Variants in FBXO11 observed in about 807,000 individuals in gnomAD.
The protein encoded by FBXO11 is F-box only protein 11.
A neutral mutation model predicts 117.0 loss-of-function variants in FBXO11; 13 were observed. That is an observed-to-expected ratio of 0.11 (90% CI 0.07 to 0.18). The LOEUF (loss-of-function observed/expected upper bound fraction) is 0.18, where lower values mean the gene tolerates loss of function less well. Ranked by LOEUF, FBXO11 falls within the 10% of genes least tolerant of loss-of-function variation. The pLI, the probability that FBXO11 is intolerant of heterozygous loss-of-function variation, is 1.00. For missense variants in FBXO11, 767 were observed against 1,164.4 expected, an observed-to-expected ratio of 0.66 and a Z score of 4.97; for synonymous variants, 490 against 380.5, an observed-to-expected ratio of 1.29 and a Z score of -3.35.
chr2:47,887,212 G>C (rs1335284556), intron 1 of FBXO11, among the ~76,000 whole-genome samples: 1 of 151,548 alleles, frequency 6.6e-6, no homozygotes, highest in Admixed American at 6.6e-5. Flanking sequence ...TTCAGCCCAG[G>C]AGGTGGAGGT....
chr2:47,809,170 T>C lies in FBXO11; in HGVS notation c.2543A>G (p.His848Arg). ...ATTTCTAAGTTACCTGTAGAAATCATGCATGGGATAGCTGGTATAACTTGA... is the reference window on the plus strand; with the variant it reads ...ATTTCTAAGTTACCTGTAGAAATCACGCATGGGATAGCTGGTATAACTTGA... Reference protein sequence around the residue: ...KISSYTSYPMHDFYRCHTCNT... With the variant: ...KISSYTSYPMRDFYRCHTCNT... Residue 848 changes from histidine to arginine, a missense_variant, in exon 21 of 23, where the codon CAT (histidine) becomes CGT (arginine). By Grantham distance (29) the His-to-Arg change is conservative (BLOSUM62 0). Transcript: ENST00000403359. 6.3e-7 allele frequency: 1 copy of C among 1,574,806 alleles called. No homozygotes were observed. The highest frequency in any genetic ancestry group is 8.7e-7 in the Non-Finnish European group (1 of 1,154,038).
chr2:47,842,724 T>C (rs1021164841), intron 1 of FBXO11, among the ~76,000 whole-genome samples: 1 of 151,750 alleles, frequency 6.6e-6, no homozygotes, highest in African/African-American at 2.4e-5. Context: ...ATTTAAATAT[T>C]ATTCGATTAA....
At chr2:47,866,793 A>C (rs543312820) in intron 1 of FBXO11, among the ~76,000 whole-genome samples, 2 of 152,158 alleles carry the variant, frequency 1.3e-5, no homozygotes, top group Non-Finnish European at 2.9e-5. Flanking sequence ...GTTTTCCTAA[A>C]ACCTTTCAGC....
In FBXO11 at chr2:47,839,614, A is replaced by C. The variant is rs766792482; in HGVS notation, c.360+28T>G. 6 of 1,605,416 alleles carry C rather than the reference A, an allele frequency of 3.7e-6. No individual in the cohort carries two copies. The Admixed American group carries it at 1.0e-4, about 28-fold the overall frequency. ...TTTCTTGAAAATTCTTTCATTACAA[A>C]AAGAAAAGCAACTACAGTTAAAGTT... On this transcript the variant is annotated intron_variant, in intron 2 of 22. Transcript: ENST00000403359.
chr2:47,823,706 T>C (rs112322309), intron 11 of FBXO11, among the ~76,000 whole-genome samples: 11,065 of 151,902 alleles, frequency 0.073, 563 homozygotes, highest in Non-Finnish European at 0.11. Context: ...TGAGCCGAGA[T>C]TGCGCCACTG....
chr2:47,886,368 T>A (rs1044087385), intron 1 of FBXO11, among the ~76,000 whole-genome samples: 1 of 151,968 alleles, frequency 6.6e-6, no homozygotes, highest in African/African-American at 2.4e-5. Flanking sequence ...TAGCAGGGCA[T>A]GGTGGCGTGT....
intron 11 of FBXO11, among the ~76,000 whole-genome samples, chr2:47,830,750 T>C (rs981275473): frequency 6.6e-6 from 1 of 152,186 alleles, no homozygotes; most frequent in African/African-American, 2.4e-5. Context: ...AGTAACTTAC[T>C]ATGGTGAACT....
chr2:47,864,743 G>A (rs1675066197), intron 1 of FBXO11, among the ~76,000 whole-genome samples: 1 of 152,136 alleles, frequency 6.6e-6, no homozygotes, highest in African/African-American at 2.4e-5. Context: ...TTACTCACTA[G>A]GGCAATGACA....
chr2:47,880,686 A>G (rs1236976698), intron 1 of FBXO11, among the ~76,000 whole-genome samples: 1 of 152,178 alleles, frequency 6.6e-6, no homozygotes, highest in East Asian at 1.9e-4. Flanking sequence ...CACAACTATT[A>G]AATTTTCATT....
intron 11 of FBXO11, among the ~76,000 whole-genome samples, chr2:47,824,450 C>T (rs1671603422): frequency 6.6e-6 from 1 of 152,148 alleles, no homozygotes; most frequent in Admixed American, 6.5e-5. Context: ...CGTAATCACA[C>T]CATCGCACTC....
rs574088526 is a variant in FBXO11, at chr2:47,881,205, T to C, written c.232+24284A>G. On this transcript the variant is annotated intron_variant, in intron 1 of 22. Coordinates refer to ENST00000403359, the MANE Select transcript of FBXO11 (RefSeq NM_001190274.2). ...AGTCGGAGGTTGCAGTGAGCCAAGA[T>C]TGCGCCACTGTCCTCCAGCCTGGGT... Among the ~76,000 whole-genome samples the C allele has an allele frequency of 9.9e-5, 15 of 152,260 alleles. No homozygotes were observed. The South Asian group carries it at 2.7e-3, about 27-fold the overall frequency.
At chr2:47,857,987 T>C (rs945259245) in intron 1 of FBXO11, among the ~76,000 whole-genome samples, 1 of 152,114 alleles carries the variant, frequency 6.6e-6, no homozygotes, top group African/African-American at 2.4e-5. Flanking sequence ...TTTACCAAAG[T>C]AGATGAAATA....
chr2:47,837,180 G>C (rs2104842419), intron 4 of FBXO11: 1 of 167,032 alleles, frequency 6.0e-6, no homozygotes, highest in African/African-American at 2.4e-5. Flanking sequence ...GAGCAATGCT[G>C]TTTTGTTCTG....
chr2:47,851,652 C>T (rs932735261), intron 1 of FBXO11, among the ~76,000 whole-genome samples: 2 of 152,174 alleles, frequency 1.3e-5, no homozygotes, highest in Admixed American at 1.3e-4. Flanking sequence ...ACCAAGGACA[C>T]ACACAGGTGT....
At chr2:47,835,154 T>C (rs1278145737) in intron 5 of FBXO11, among the ~76,000 whole-genome samples, 3 of 152,174 alleles carry the variant, frequency 2.0e-5, no homozygotes, top group African/African-American at 4.8e-5. Flanking sequence ...TGTTTAGAGG[T>C]ATCCCTGGCC....
At position 47,819,387 on chromosome 2, in the gene FBXO11, T is replaced by C. The variant is rs142393571; in HGVS notation, c.1798-309A>G. ...TCTGCCACCACGCCTGGCTAATTTT[T>C]GTATTTTTAGTAGAGATGGCGTTTC... On this transcript the variant is annotated intron_variant, in intron 14 of 22. Coordinates refer to ENST00000403359, the MANE Select transcript of FBXO11 (RefSeq NM_001190274.2). Among the ~76,000 whole-genome samples the C allele has an allele frequency of 4.5e-3, 684 of 152,290 alleles. 8 individuals are homozygous for C. Among genetic ancestry groups the C allele is most frequent in the African/African-American group, 0.015 (640 of 41,550 alleles).
At chr2:47,855,465 C>G (rs1169464490) in intron 1 of FBXO11, among the ~76,000 whole-genome samples, 1 of 151,968 alleles carries the variant, frequency 6.6e-6, no homozygotes, top group African/African-American at 2.4e-5. Context: ...GATATAAACC[C>G]CTACAACAAA....
At chr2:47,835,645 G>T (rs1875406) in intron 5 of FBXO11, among the ~76,000 whole-genome samples, 1 of 151,860 alleles carries the variant, frequency 6.6e-6, no homozygotes, top group East Asian at 1.9e-4. Context: ...CTACAGGTGT[G>T]CGCCACCATG....
chr2:47,905,257 A>G, intron 1 of FBXO11: 1 of 282,142 alleles, frequency 3.5e-6, no homozygotes, highest in Non-Finnish European at 6.3e-6. Context: ...GAAACCAAAC[A>G]AAGCGCGGCC....
Sources: gnomAD v4.1 joint callset for allele counts (sites outside exome capture counted in the v4.1 genomes callset) on GRCh38, gnomAD v4.1.1 for gene constraint, MANE v1.5 for transcripts, NCBI Gene and HGNC (gene_info 2026-07-23, HGNC 2026-07-21) for gene names.